EXOC6B: variants seen among roughly 807,000 people sequenced by gnomAD.
The protein encoded by EXOC6B is exocyst complex component 6B.
Under a neutral mutation model 113.5 loss-of-function variants are expected in EXOC6B, and 54 were observed. That is an observed-to-expected ratio of 0.48 (90% confidence interval 0.38 to 0.60). EXOC6B has a LOEUF of 0.60. EXOC6B is among the 20% of genes least tolerant of loss of function. The pLI, the probability that EXOC6B is intolerant of heterozygous loss-of-function variation, is 0.00. For missense variants in EXOC6B, 797 were observed against 977.5 expected (o/e 0.82, Z 2.46); for synonymous variants, 357 against 339.0 (o/e 1.05, Z -0.58).
At chr2:72,790,095 A>T (rs947892469) in intron 1 of EXOC6B, among the ~76,000 whole-genome samples, 4 of 152,206 alleles carry the variant, frequency 2.6e-5, no homozygotes, top group African/African-American at 9.6e-5. Context: ...AAGAATTCCC[A>T]TCTGGCAGCC....
In EXOC6B at chr2:72,515,733, T is replaced by C. The variant is rs553736403; in HGVS notation, c.916-607A>G. ...GCTCTACATAATAATATCTGACTCA[T>C]GAGCTGTGTACTGGGTTGAATAGTG... is the stretch of plus-strand genomic sequence containing the variant. On this transcript the variant is annotated intron_variant, in intron 8 of 21. Transcript: ENST00000272427. 26 of 986,568 alleles carry C rather than the reference T, an allele frequency of 2.6e-5. 1 individual carries two copies. The African/African-American group carries it at 4.2e-4, about 16-fold the overall frequency. The allele number at this position is 986,568 out of a possible 1,614,324, so 61.1% of individuals were successfully genotyped here.
intron 20 of EXOC6B, among the ~76,000 whole-genome samples, chr2:72,296,273 T>A (rs1686129468): frequency 6.6e-6 from 1 of 152,076 alleles, no homozygotes. Flanking sequence ...CTTGATATGT[T>A]TGGGGGAGAA....
intron 2 of EXOC6B, among the ~76,000 whole-genome samples, chr2:72,735,083 G>C (rs1429585298): frequency 6.6e-6 from 1 of 152,108 alleles, no homozygotes; most frequent in East Asian, 1.9e-4. Flanking sequence ...AATCATACGG[G>C]CTTCCTTGGG....
intron 18 of EXOC6B, among the ~76,000 whole-genome samples, chr2:72,416,250 G>C (rs149732574): frequency 6.6e-6 from 1 of 152,206 alleles, no homozygotes; most frequent in Non-Finnish European, 1.5e-5. Context: ...CTCATCAAGA[G>C]AGCCAGCAAA....
chr2:72,285,295 A>C (rs949294934), intron 20 of EXOC6B, among the ~76,000 whole-genome samples: 5 of 152,238 alleles, frequency 3.3e-5, no homozygotes, highest in Non-Finnish European at 7.4e-5. Flanking sequence ...AACAAAACAG[A>C]AAGCACAGAA....
At chr2:72,512,418 AGG>A (rs1700984800) in intron 11 of EXOC6B, among the ~76,000 whole-genome samples, 1 of 126,842 alleles carries the variant, frequency 7.9e-6, no homozygotes, top group Non-Finnish European at 1.7e-5. Context: ...GAAGGAAGGA[AGG>A]AAGGAAAGAA....
At chr2:72,783,550 C>T (rs2105003191) in intron 1 of EXOC6B, among the ~76,000 whole-genome samples, 1 of 152,104 alleles carries the variant, frequency 6.6e-6, no homozygotes, top group Middle Eastern at 3.4e-3. Context: ...TCTCAAACTC[C>T]TGACCTCGTG....
chr2:72,579,980 A>T (rs1213105377), intron 6 of EXOC6B, among the ~76,000 whole-genome samples: 10 of 151,024 alleles, frequency 6.6e-5, no homozygotes, highest in Admixed American at 3.9e-4. Flanking sequence ...TATATATATA[A>T]AAAAAAATTA....
intron 19 of EXOC6B, among the ~76,000 whole-genome samples, chr2:72,338,790 C>T (rs540854633): frequency 3.3e-5 from 5 of 151,810 alleles, no homozygotes; most frequent in Non-Finnish European, 7.4e-5. Flanking sequence ...CATAATGTTA[C>T]CCAAGGCTGC....
chr2:72,741,826 C>T (rs1681344052), intron 1 of EXOC6B, among the ~76,000 whole-genome samples: 1 of 152,170 alleles, frequency 6.6e-6, no homozygotes, highest in South Asian at 2.1e-4. Context: ...AGAAATTGAA[C>T]ACAGCTAGAG....
intron 1 of EXOC6B, among the ~76,000 whole-genome samples, chr2:72,753,443 C>T (rs1682191288): frequency 6.6e-6 from 1 of 152,054 alleles, no homozygotes. Flanking sequence ...TAAATAATGG[C>T]TCTTCTATGC....
chr2:72,489,190 G>A (rs2105527757), intron 16 of EXOC6B, among the ~76,000 whole-genome samples: 1 of 152,106 alleles, frequency 6.6e-6, no homozygotes, highest in African/African-American at 2.4e-5. Flanking sequence ...TCTCTCCATA[G>A]CATTCACTAC....
chr2:72,394,781 C>T (rs1453826736), intron 18 of EXOC6B, among the ~76,000 whole-genome samples: 4 of 152,098 alleles, frequency 2.6e-5, no homozygotes, highest in Non-Finnish European at 4.4e-5. Context: ...AAATAATCTA[C>T]AAAGCCCTAT....
chr2:72,280,526 G>T (rs1377699693), intron 20 of EXOC6B, among the ~76,000 whole-genome samples: 2 of 152,120 alleles, frequency 1.3e-5, no homozygotes, highest in Non-Finnish European at 2.9e-5. Context: ...AGGAACCCTT[G>T]AGGTTTCAAA....
chr2:72,333,169 G>A (rs867565200), intron 20 of EXOC6B, among the ~76,000 whole-genome samples: 4 of 152,098 alleles, frequency 2.6e-5, no homozygotes, highest in Non-Finnish European at 5.9e-5. Context: ...GCAACTCTGG[G>A]AAGAGAAATG....
rs1701979642 is a variant in EXOC6B, at chr2:72,531,167, G to A, written c.916-16041C>T. Among the ~76,000 whole-genome samples the A allele has an allele frequency of 3.3e-5, 5 of 151,750 alleles. No individual in the cohort carries two copies. The South Asian group carries it at 1.0e-3, about 32-fold the overall frequency. On this transcript the variant is annotated intron_variant, in intron 8 of 21. Transcript: ENST00000272427. ...CTTCCTTTTTCTTGCCTTCCTATGG[G>A]TTCCCTAAATAACCATTTTTTAGAA...
At chr2:72,244,483 C>A (rs1682532372) in intron 20 of EXOC6B, among the ~76,000 whole-genome samples, 1 of 151,282 alleles carries the variant, frequency 6.6e-6, no homozygotes, top group African/African-American at 2.4e-5. Flanking sequence ...TCTAAGCTGC[C>A]ACAAAAGAAA....
intron 18 of EXOC6B, among the ~76,000 whole-genome samples, chr2:72,456,650 ATGGTCT>A (rs1315389518): frequency 6.6e-6 from 1 of 152,126 alleles, no homozygotes; most frequent in East Asian, 1.9e-4. Flanking sequence ...CCTTGAGTTT[ATGGTCT>A]CATCATAAAA....
At chr2:72,379,985 C>T in intron 18 of EXOC6B, 115 bp from the exon 19 acceptor site, 1 of 985,020 alleles carries the variant, frequency 1.0e-6, no homozygotes, top group Non-Finnish European at 1.4e-6. Flanking sequence ...TAAGGTTCTC[C>T]TCATCATAAT....
Sources: gnomAD v4.1 joint callset for allele counts (sites outside exome capture counted in the v4.1 genomes callset) on GRCh38, gnomAD v4.1.1 for gene constraint, MANE v1.5 for transcripts, NCBI Gene and HGNC (gene_info 2026-07-23, HGNC 2026-07-21) for gene names.